The following MUTYH variants were observed in gnomAD, a reference collection of about 807,000 sequenced individuals.
MUTYH encodes mutY DNA glycosylase, also known as adenine DNA glycosylase.
In MUTYH, 64 loss-of-function variants were observed where a neutral mutation model predicts 72.9. That is an observed-to-expected ratio of 0.88 (90% CI 0.72 to 1.08). The LOEUF (loss-of-function observed/expected upper bound fraction) is 1.08, where lower values mean the gene tolerates loss of function less well. Ranked by LOEUF, MUTYH falls within the 50% of genes least tolerant of loss-of-function variation. The probability of loss-of-function intolerance (pLI) is 0.00; values close to 1 mark genes in which losing one functional copy is unlikely to be tolerated. For synonymous variants in MUTYH, 234 were observed against 263.1 expected, an observed-to-expected ratio of 0.89 and a Z score of 1.07; for missense variants, 633 against 671.0, an observed-to-expected ratio of 0.94 and a Z score of 0.63.
In MUTYH at chr1:45,332,290, A is replaced by T. The variant is rs1331273811; in HGVS notation, c.725T>A (p.Val242Glu). The T allele has an allele frequency of 1.9e-6, 3 of 1,614,076 alleles. No individual in the cohort carries two copies. Among genetic ancestry groups the T allele is most frequent in the Non-Finnish European group, 1.7e-6 (2 of 1,179,994 alleles). The change falls in exon 10 of 16, where the codon GTG becomes GAG. Residue 242 changes from valine (V) to glutamate (E), a missense_variant. Physicochemically the swap from Val to Glu is moderately radical, Grantham distance 121. Coordinates refer to ENST00000456914, the MANE Select transcript of MUTYH (RefSeq NM_001048174.2). Reference protein sequence around the residue: ...QQLWGLAQQLVDPARPGDFNQ... With the variant: ...QQLWGLAQQLEDPARPGDFNQ... ...GAAATCTCCTGGCCGGGCTGGGTCC[A>T]CCAGCTGCTGGGCTAGACCCCTAAA...
intron 2 of MUTYH, chr1:45,333,986 C>T (rs1645465145): frequency 2.7e-6 from 1 of 375,812 alleles, no homozygotes; most frequent in Non-Finnish European, 5.0e-6. Flanking sequence ...CACAGCAATA[C>T]AGTCAGAATT....
upstream of MUTYH, chr1:45,340,001 C>T (rs1277086966): frequency 6.5e-7 from 1 of 1,538,106 alleles, no homozygotes; most frequent in Non-Finnish European, 8.8e-7. Flanking sequence ...GCGCGCCCGG[C>T]TTTCCGGCGC....
At chr1:45,333,688 G>A (rs1218154504) in intron 2 of MUTYH, 127 bp from the exon 3 acceptor site, 2 of 1,386,444 alleles carry the variant, frequency 1.4e-6, no homozygotes, top group African/African-American at 2.9e-5. Context: ...CTTAAGCTTT[G>A]GAGCTGGAGT....
In MUTYH at chr1:45,339,205, A is replaced by ATTT. The variant is rs60609540; in HGVS notation, c.-7+691_-7+693dup. Among the ~76,000 whole-genome samples the ATTT allele has an allele frequency of 1.7e-3, 198 of 118,150 alleles. No individual in the cohort carries two copies. The Middle Eastern group carries it at 0.02, about 12-fold the overall frequency. The allele number at this position is 118,150 out of a possible 152,430, so 77.5% of individuals were successfully genotyped here. On this transcript the variant is annotated intron_variant, in intron 1 of 15. Transcript: ENST00000456914. Reference sequence around the variant, plus strand: ...ACGGAGGGACTAGTCTCCAATAGGAATTTTTTTTTTTTTTTTTTTTTTGAG... The same window carrying ATTT: ...ACGGAGGGACTAGTCTCCAATAGGAATTTTTTTTTTTTTTTTTTTTTTTTTGAG...
chr1:45,330,800 C>A (rs954181851), intron 14 of MUTYH, among the ~76,000 whole-genome samples: 2 of 151,570 alleles, frequency 1.3e-5, no homozygotes, highest in Admixed American at 6.6e-5. Context: ...TACAAAAAAT[C>A]ATGGCTGGGT....
chr1:45,339,982 C>A (rs762127548), upstream of MUTYH: 1 of 1,530,750 alleles, frequency 6.5e-7, no homozygotes, highest in East Asian at 2.5e-5. Flanking sequence ...TTACCTCCCG[C>A]GAGCTCTAGC....
In MUTYH at chr1:45,330,550, C is replaced by T. The variant is rs144111588; in HGVS notation, c.1400G>A (p.Arg467His). 208 of 1,608,790 alleles carry T rather than the reference C, an allele frequency of 1.3e-4. No homozygotes were observed. The highest frequency in any genetic ancestry group is 1.7e-4 in the Non-Finnish European group (196 of 1,177,418). ...CCCTGGCTGTTGGCCCTGATACACACGGAAAACCTAGACAAGAAGACAGGG... is the reference window on the plus strand; with the variant it reads ...CCCTGGCTGTTGGCCCTGATACACATGGAAAACCTAGACAAGAAGACAGGG... ...AVSTAMKKVF[R>H]VYQGQQPGTC... The change falls in exon 15 of 16, where the codon CGT (arginine) becomes CAT (histidine). Residue 467 changes from arginine (R) to histidine (H), a missense_variant. Coordinates refer to ENST00000456914, the MANE Select transcript of MUTYH (RefSeq NM_001048174.2).
At chr1:45,340,281 T>C (rs1646829661), upstream of MUTYH, 1 of 1,613,664 alleles carries the variant, frequency 6.2e-7, no homozygotes, top group Non-Finnish European at 8.5e-7. Flanking sequence ...GATGGCGCAG[T>C]TTCAGCTCCC....
rs375526246 is a variant in MUTYH at position 45,333,493 on chromosome 1, C to T, written c.184G>A (p.Val62Ile). The change falls in exon 3 of 16, where the codon GTA becomes ATA. Residue 62 changes from valine (V) to isoleucine (I), a missense_variant. Transcript: ENST00000456914. Reference protein sequence around the residue: ...SVSSYHLFRDVAEVTAFRGSL... With the variant: ...SVSSYHLFRDIAEVTAFRGSL... ...CCTCGGAAGGCTGTGACTTCAGCTA[C>T]GTCTCTGAATAGATGGTATGAGGAG... 36 of 1,614,110 alleles carry T rather than the reference C, an allele frequency of 2.2e-5. No homozygotes were observed. The highest frequency in any genetic ancestry group is 2.7e-5 in the Non-Finnish European group (32 of 1,180,052).
chr1:45,338,369 T>C (rs989231687), intron 1 of MUTYH: 14 of 477,504 alleles, frequency 2.9e-5, no homozygotes, highest in South Asian at 1.9e-4. Context: ...CCTTGGGGCC[T>C]CACACAATCC....
At chr1:45,330,228 CAAAAAAAAAAAA>C (rs34168747) in intron 15 of MUTYH, among the ~76,000 whole-genome samples, 5 of 62,942 alleles carry the variant, frequency 7.9e-5, no homozygotes, top group South Asian at 7.2e-4. Context: ...GAGACTGTCT[CAAAAAAAAAAAA>C]AAAAAAAAAA....
chr1:45,336,921 C>T (rs1645979998), intron 1 of MUTYH, among the ~76,000 whole-genome samples: 1 of 152,102 alleles, frequency 6.6e-6, no homozygotes, highest in African/African-American at 2.4e-5. Context: ...AGTTAACCTG[C>T]CTTTTGTGAG....
intron 15 of MUTYH, chr1:45,330,197 C>A: frequency 3.5e-6 from 1 of 285,322 alleles, no homozygotes; most frequent in South Asian, 4.5e-5. Context: ...CGGGCCACTG[C>A]ACTCTAGCTT....
intron 1 of MUTYH, chr1:45,338,665 T>C (rs1646337738): frequency 5.4e-6 from 1 of 186,204 alleles, no homozygotes; most frequent in Non-Finnish European, 1.1e-5. Flanking sequence ...ACCTGTTAAA[T>C]GAATTAATGG....
intron 1 of MUTYH, among the ~76,000 whole-genome samples, chr1:45,339,473 C>G (rs1471660509): frequency 6.6e-6 from 1 of 151,986 alleles, no homozygotes; most frequent in Non-Finnish European, 1.5e-5. Flanking sequence ...CTCGGCCTCC[C>G]AAAGTGCTGG....
chr1:45,339,794 C>G (rs767958560), intron 1 of MUTYH, 105 bp downstream of exon 1: 28 of 1,268,866 alleles, frequency 2.2e-5, no homozygotes, highest in Middle Eastern at 2.1e-4. Flanking sequence ...TTCTTTCCCC[C>G]ACACGACCCT....
At chr1:45,339,813 C>T (rs1229377383) in intron 1 of MUTYH, 86 bp downstream of exon 1, 2 of 1,307,430 alleles carry the variant, frequency 1.5e-6, no homozygotes, top group African/African-American at 3.0e-5. Context: ...CTCTCCTAGT[C>T]TAACTCCTGG....
At chr1:45,334,977 A>G (rs1225803317) in intron 1 of MUTYH, among the ~76,000 whole-genome samples, 2 of 152,174 alleles carry the variant, frequency 1.3e-5, no homozygotes, top group Non-Finnish European at 2.9e-5. Context: ...CCTAGAAGAA[A>G]CCAAGGATCA....
Position 45,332,249 on chromosome 1 carries a change from C to G in MUTYH, c.766G>C (p.Glu256Gln), listed in dbSNP as rs141280536. 6.2e-7 allele frequency: 1 copy of G among 1,614,032 alleles called. No individual in the cohort carries two copies. The highest frequency in any genetic ancestry group is 8.5e-7 in the Non-Finnish European group (1 of 1,180,006). The change falls in exon 10 of 16, where the codon GAG becomes CAG. Residue 256 changes from glutamate (E) to glutamine (Q), a missense_variant. Glu to Gln is a conservative substitution (Grantham distance 29, BLOSUM62 2). Transcript: ENST00000456914. ...GGGGTACACACTGTGGCCCCTAGCTCCATGGCTGCTTGGTTGAAATCTCCT... is the reference window on the plus strand; with the variant it reads ...GGGGTACACACTGTGGCCCCTAGCTGCATGGCTGCTTGGTTGAAATCTCCT... ...RPGDFNQAAM[E>Q]LGATVCTPQR... is the part of the protein sequence containing the mutation.
Sources: gnomAD v4.1 joint callset for allele counts (sites outside exome capture counted in the v4.1 genomes callset) on GRCh38, gnomAD v4.1.1 for gene constraint, MANE v1.5 for transcripts, NCBI Gene and HGNC (gene_info 2026-07-23, HGNC 2026-07-21) for gene names.